The following HTT variants were observed in gnomAD, a reference collection of about 807,000 sequenced individuals.
The protein encoded by HTT is huntington disease protein.
Under a neutral mutation model 362.3 loss-of-function variants are expected in HTT, and 104 were observed. The ratio of observed to expected loss-of-function variants is 0.29; its 90% CI spans 0.24 to 0.34. The LOEUF (loss-of-function observed/expected upper bound fraction) is 0.34. Ranked by LOEUF, HTT falls within the 10% of genes least tolerant of loss-of-function variation. The probability of loss-of-function intolerance (pLI) is 1.00; values close to 1 mark genes in which losing one functional copy is unlikely to be tolerated. For missense variants in HTT, 3,301 were observed against 3,928.6 expected (o/e 0.84, Z 4.27); for synonymous variants, 1,577 against 1,548.7 (o/e 1.02, Z -0.43).
chr4:3,240,112 A>G lies in HTT; in HGVS notation c.*53A>G. The G allele has an allele frequency of 6.9e-7, 1 of 1,456,602 alleles. No homozygotes were observed. The highest frequency in any genetic ancestry group is 9.4e-7 in the Non-Finnish European group (1 of 1,063,970). The allele number at this position is 1,456,602 out of a possible 1,614,324, so 90.2% of individuals were successfully genotyped here. On this transcript the variant is annotated 3_prime_UTR_variant, in exon 67 of 67. Transcript: ENST00000355072. The stretch of plus-strand genomic sequence containing the variant: ...GGCAGCTGGGGCCGGAGCCTTTGGA[A>G]GTCTGCGCCCTTGTGCCCTGCCTCC...
Position 3,140,640 on chromosome 4 carries a change from G to C in HTT, c.2929G>C (p.Val977Leu), listed in dbSNP as rs758715607. The C allele has an allele frequency of 1.9e-6, 3 of 1,614,022 alleles. No individual in the cohort carries two copies. In the South Asian group the frequency reaches 3.3e-5, roughly 18 times the overall value. ...GACGCAGCCTCCATCTCATTTCTCC[G>C]TCAGCACAATAACCAGGTATGCTGA... ...HETQPPSHFS[V>L]STITRIYRGY... The change falls in exon 22 of 67, where the codon GTC becomes CTC. Residue 977 changes from valine to leucine, a missense_variant. By Grantham distance (32) the Val-to-Leu change is conservative. Coordinates refer to ENST00000355072, the MANE Select transcript of HTT (RefSeq NM_001388492.1).
chr4:3,221,548 G>A (rs908362683), intron 53 of HTT, among the ~76,000 whole-genome samples: 3 of 152,156 alleles, frequency 2.0e-5, no homozygotes, highest in African/African-American at 4.8e-5. Context: ...AGTCCTGCAC[G>A]CTCTCCTTCT....
intron 1 of HTT, among the ~76,000 whole-genome samples, chr4:3,078,925 C>T (rs138997144): frequency 3.9e-5 from 6 of 152,088 alleles, no homozygotes; most frequent in Non-Finnish European, 7.4e-5. Flanking sequence ...TTAATAGAGA[C>T]GGGGTTTCAC....
At chr4:3,215,806 A>T in intron 51 of HTT, among the ~76,000 whole-genome samples, 1 of 151,978 alleles carries the variant, frequency 6.6e-6, no homozygotes, top group East Asian at 1.9e-4. Context: ...CCAATTCTAG[A>T]GTAGGTATTT....
chr4:3,207,231 T>C (rs767686590), intron 44 of HTT, 50 bp from the exon 45 acceptor site: 16 of 1,492,852 alleles, frequency 1.1e-5, no homozygotes, highest in Non-Finnish European at 1.4e-5. Context: ...CATGAGGTTA[T>C]TTTGGGTTGT....
chr4:3,107,045 T>C (rs1248248783), intron 5 of HTT, among the ~76,000 whole-genome samples: 1 of 152,268 alleles, frequency 6.6e-6, no homozygotes, highest in East Asian at 1.9e-4. Flanking sequence ...TATGATTTAC[T>C]GCAAATAATT....
rs1424520727 is a variant in HTT at position 3,233,361 on chromosome 4, G to A, written c.8456+8G>A. ...CCTGAAAGGGATCGCCCAGTGAGTGGGAGCCTGGCTGGGGCTGGGGCGGGG... is the reference window on the plus strand; with the variant it reads ...CCTGAAAGGGATCGCCCAGTGAGTGAGAGCCTGGCTGGGGCTGGGGCGGGG... On this transcript the variant is annotated splice_region_variant and intron_variant, in intron 61 of 66. Transcript: ENST00000355072. 1 of 1,588,052 alleles carries A rather than the reference G, an allele frequency of 6.3e-7. No homozygotes were observed. Among genetic ancestry groups the A allele is most frequent in the East Asian group, 2.3e-5 (1 of 44,132 alleles).
At chr4:3,136,016 A>C in intron 20 of HTT, 49 bp downstream of exon 20, 1 of 1,334,926 alleles carries the variant, frequency 7.5e-7, no homozygotes, top group Non-Finnish European at 1.0e-6. Context: ...AAGAAGGTGA[A>C]AGTGAGGCTT....
intron 40 of HTT, among the ~76,000 whole-genome samples, chr4:3,196,077 G>A (rs1719245166): frequency 6.6e-6 from 1 of 152,210 alleles, no homozygotes; most frequent in Non-Finnish European, 1.5e-5. Flanking sequence ...CTTGGAAGGA[G>A]GGGACCAGGC....
chr4:3,162,471 T>C (rs1717491605), intron 29 of HTT, among the ~76,000 whole-genome samples: 2 of 152,208 alleles, frequency 1.3e-5, no homozygotes, highest in South Asian at 4.1e-4. Flanking sequence ...AAGTCAGTGA[T>C]AGCTTGATGG....
intron 37 of HTT, among the ~76,000 whole-genome samples, chr4:3,183,892 CAG>C (rs1362603260): frequency 2.0e-5 from 3 of 152,194 alleles, no homozygotes; most frequent in Non-Finnish European, 4.4e-5. Flanking sequence ...ATGTTGCATT[CAG>C]AAGTAGTGCT....
chr4:3,215,396 C>T (rs1720350774), intron 51 of HTT, among the ~76,000 whole-genome samples, 185 bp downstream of exon 51: 1 of 152,120 alleles, frequency 6.6e-6, no homozygotes, highest in African/African-American at 2.4e-5. Context: ...CTTTTGTTTC[C>T]GAGTGAACAC....
Position 3,217,896 on chromosome 4 carries a change from A to G in HTT, c.7186A>G (p.Ile2396Val), listed in dbSNP as rs777446689. 6 of 1,614,088 alleles carry G rather than the reference A, an allele frequency of 3.7e-6. No homozygotes were observed. In the East Asian group the frequency reaches 1.3e-4, roughly 36 times the overall value. Residue 2396 changes from isoleucine to valine, a missense_variant, in exon 52 of 67, where the codon ATC becomes GTC. This residue lies in a region of HTT where 753 missense variants were observed against 1,021.3 expected (regional missense o/e 0.74). Coordinates refer to ENST00000355072, the MANE Select transcript of HTT (RefSeq NM_001388492.1). Reference sequence around the variant, plus strand: ...TCTCACGCCATTGCTAAGGAACATCATCATCAGCCTGGCCCGCCTGCCCCT... The same window carrying G: ...TCTCACGCCATTGCTAAGGAACATCGTCATCAGCCTGGCCCGCCTGCCCCT... Reference protein sequence around the residue: ...AFLTPLLRNIIISLARLPLVN... With the variant: ...AFLTPLLRNIVISLARLPLVN...
At chr4:3,138,696 C>G (rs762778423) in intron 21 of HTT, among the ~76,000 whole-genome samples, 2 of 152,138 alleles carry the variant, frequency 1.3e-5, no homozygotes, top group Non-Finnish European at 2.9e-5. Flanking sequence ...TCACTGCAGT[C>G]TCTGCCTCCC....
At chr4:3,076,634 G>T (rs1712568506) in intron 1 of HTT, among the ~76,000 whole-genome samples, 2 of 152,186 alleles carry the variant, frequency 1.3e-5, no homozygotes, top group African/African-American at 4.8e-5. Context: ...TGTCATAAAA[G>T]TTCACACATT....
chr4:3,109,928 G>T (rs10009229), intron 6 of HTT, among the ~76,000 whole-genome samples: 2,878 of 152,280 alleles, frequency 0.019, 52 homozygotes, highest in Middle Eastern at 0.034. Context: ...GGGGGCTACA[G>T]TGTTGGCTTG....
chr4:3,132,515 G>C, intron 16 of HTT, 47 bp from the exon 17 acceptor site: 1 of 1,529,516 alleles, frequency 6.5e-7, no homozygotes, highest in East Asian at 2.3e-5. Flanking sequence ...GAGTTAGAAA[G>C]TTGATAGTAG....
intron 2 of HTT, among the ~76,000 whole-genome samples, chr4:3,098,796 C>A (rs1264580472): frequency 6.6e-6 from 1 of 152,124 alleles, no homozygotes; most frequent in African/African-American, 2.4e-5. Flanking sequence ...AGATAGACTG[C>A]TGAACTGATT....
intron 6 of HTT, among the ~76,000 whole-genome samples, chr4:3,111,060 C>G (rs1004816888): frequency 8.5e-5 from 13 of 152,244 alleles, no homozygotes; most frequent in African/African-American, 2.9e-4. Flanking sequence ...CCCTGTTGCC[C>G]AGGTTGTGGT....
Sources: allele counts gnomAD v4.1 joint callset (sites outside exome capture counted in the v4.1 genomes callset), GRCh38; gene constraint gnomAD v4.1.1; regional missense constraint gnomAD v4.1.1; transcripts MANE v1.5; gene names NCBI Gene and HGNC (gene_info 2026-07-23, HGNC 2026-07-21).